The following SRD5A2 variants were observed in gnomAD, a reference collection of about 807,000 sequenced individuals.
SRD5A2 encodes 3-oxo-5-alpha-steroid 4-dehydrogenase 2.
In SRD5A2, 30 loss-of-function variants were observed where a neutral mutation model predicts 27.4. The observed-to-expected ratio is 1.10, with a 90% CI of 0.82 to 1.49. The LOEUF (loss-of-function observed/expected upper bound fraction) is 1.49. Ranked by LOEUF, SRD5A2 falls within the 40% of genes most tolerant of loss-of-function variation. The probability of loss-of-function intolerance (pLI) is 0.00; values close to 1 mark genes in which losing one functional copy is unlikely to be tolerated. For synonymous variants in SRD5A2, 141 were observed against 133.6 expected, an observed-to-expected ratio of 1.06 and a Z score of -0.38; for missense variants, 348 against 323.4, an observed-to-expected ratio of 1.08 and a Z score of -0.58.
At chr2:31,577,162 TA>T (rs10683997) in intron 1 of SRD5A2, among the ~76,000 whole-genome samples, 594 of 57,164 alleles carry the variant, frequency 0.01, 7 homozygotes, top group African/African-American at 0.041. Flanking sequence ...AAAAAAACAT[TA>T]AAAAAAAAAA....
the SRD5A2 span, among the ~76,000 whole-genome samples, chr2:31,625,236 G>A: frequency 1.3e-5 from 2 of 152,132 alleles, no homozygotes; most frequent in Non-Finnish European, 2.9e-5. Flanking sequence ...ATTTGTTTAA[G>A]TTCTTTGTAG....
the SRD5A2 span, among the ~76,000 whole-genome samples, chr2:31,590,015 A>G: frequency 6.6e-6 from 1 of 152,174 alleles, no homozygotes; most frequent in East Asian, 1.9e-4. Flanking sequence ...CCCTGGTGAC[A>G]TGTATAATGC....
At chr2:31,585,546 C>A (rs1667160244), upstream of SRD5A2, among the ~76,000 whole-genome samples, 3 of 152,152 alleles carry the variant, frequency 2.0e-5, no homozygotes, top group Admixed American at 2.0e-4. Context: ...CCTAGAAACA[C>A]CCTGGGCCAG....
the SRD5A2 span, among the ~76,000 whole-genome samples, chr2:31,662,686 T>A: frequency 9.9e-5 from 15 of 152,250 alleles, no homozygotes; most frequent in East Asian, 2.7e-3. Flanking sequence ...ATATGGTCTT[T>A]ATTTCTAAGA....
chr2:31,540,450 A>T (rs1490300063), intron 1 of SRD5A2, among the ~76,000 whole-genome samples: 1 of 152,214 alleles, frequency 6.6e-6, no homozygotes, highest in Admixed American at 6.5e-5. Context: ...TGATGACAAG[A>T]AACTCACTCA....
At chr2:31,656,692 C>G in the SRD5A2 span, among the ~76,000 whole-genome samples, 1 of 152,166 alleles carries the variant, frequency 6.6e-6, no homozygotes, top group East Asian at 1.9e-4. Context: ...CCACCAGACA[C>G]TGAACCTACA....
the SRD5A2 span, among the ~76,000 whole-genome samples, chr2:31,624,967 C>G: frequency 1.3e-5 from 2 of 152,170 alleles, no homozygotes; most frequent in Non-Finnish European, 1.5e-5. Flanking sequence ...CTAGTTTACG[C>G]TCCCACCAAC....
chr2:31,602,515 T>C, the SRD5A2 span, among the ~76,000 whole-genome samples: 7 of 152,102 alleles, frequency 4.6e-5, no homozygotes, highest in African/African-American at 1.7e-4. Flanking sequence ...GCTATTCCCA[T>C]TAAACTACTA....
chr2:31,553,704 G>C (rs748323760), intron 1 of SRD5A2, among the ~76,000 whole-genome samples: 3 of 152,144 alleles, frequency 2.0e-5, no homozygotes, highest in Non-Finnish European at 2.9e-5. Context: ...CAATCTAAAG[G>C]AAGGATATTT....
chr2:31,632,364 A>T, the SRD5A2 span, among the ~76,000 whole-genome samples: 1 of 152,230 alleles, frequency 6.6e-6, no homozygotes, highest in Non-Finnish European at 1.5e-5. Flanking sequence ...AAGACACTTT[A>T]AAAAAGATTG....
At chr2:31,558,685 T>C (rs150079733) in intron 1 of SRD5A2, among the ~76,000 whole-genome samples, 205 of 152,318 alleles carry the variant, frequency 1.3e-3, no homozygotes, top group African/African-American at 4.6e-3. Context: ...GACATTTCGG[T>C]CAATGGCACA....
At chr2:31,527,399 G>T (rs6751111) in intron 4 of SRD5A2, among the ~76,000 whole-genome samples, 1 of 152,148 alleles carries the variant, frequency 6.6e-6, no homozygotes, top group Non-Finnish European at 1.5e-5. Flanking sequence ...GGCTGCCTCC[G>T]CCCGTGCTGC....
At chr2:31,656,296 T>C in the SRD5A2 span, among the ~76,000 whole-genome samples, 1 of 152,158 alleles carries the variant, frequency 6.6e-6, no homozygotes, top group African/African-American at 2.4e-5. Flanking sequence ...TCTCAACACA[T>C]CACATTCCCA....
intron 1 of SRD5A2, among the ~76,000 whole-genome samples, chr2:31,556,909 C>A (rs1666506740): frequency 6.6e-6 from 1 of 152,152 alleles, no homozygotes; most frequent in Admixed American, 6.5e-5. Flanking sequence ...ATATTGCGTA[C>A]TATGTTCCAG....
chr2:31,558,354 T>C (rs543232231), intron 1 of SRD5A2, among the ~76,000 whole-genome samples: 1 of 152,342 alleles, frequency 6.6e-6, no homozygotes, highest in South Asian at 2.1e-4. Flanking sequence ...CTTAAAACAA[T>C]AGAAATGTAT....
chr2:31,645,984 C>T, the SRD5A2 span, among the ~76,000 whole-genome samples: 2,648 of 152,282 alleles, frequency 0.017, 41 homozygotes, highest in African/African-American at 0.031. Context: ...GCCTACCTCA[C>T]TAGTTTCCTT....
In SRD5A2 at chr2:31,525,599, C is replaced by G; in HGVS notation, c.*597G>C. On this transcript the variant is annotated 3_prime_UTR_variant, in exon 5 of 5. Transcript: ENST00000622030. Reference sequence around the variant, plus strand: ...CAAATTTGAAATGAGGTCAATGCATCAGTATCTTTTCAGCACTATGAGGAG... The same window carrying G: ...CAAATTTGAAATGAGGTCAATGCATGAGTATCTTTTCAGCACTATGAGGAG... 1 of 227,006 alleles carries G rather than the reference C, an allele frequency of 4.4e-6. No individual in the cohort carries two copies. Among genetic ancestry groups the G allele is most frequent in the Non-Finnish European group, 8.8e-6 (1 of 114,192 alleles). 14.1% of individuals were successfully genotyped at this position (227,006 alleles called of 1,614,324 possible). A position where few individuals can be genotyped will look rare whatever the true frequency, so the allele number is the denominator to read the frequency against.
the SRD5A2 span, among the ~76,000 whole-genome samples, chr2:31,600,423 CA>C: frequency 6.6e-6 from 1 of 152,008 alleles, no homozygotes; most frequent in Non-Finnish European, 1.5e-5. Context: ...CTGCTTTCCA[CA>C]AGCATTGAAC....
At chr2:31,604,033 A>G in the SRD5A2 span, among the ~76,000 whole-genome samples, 1 of 151,914 alleles carries the variant, frequency 6.6e-6, no homozygotes, top group African/African-American at 2.4e-5. Flanking sequence ...CATCCTATAC[A>G]TATATCCCTG....
Sources: allele counts gnomAD v4.1 joint callset (sites outside exome capture counted in the v4.1 genomes callset), GRCh38; gene constraint gnomAD v4.1.1; transcripts MANE v1.5; gene names NCBI Gene and HGNC (gene_info 2026-07-23, HGNC 2026-07-21).